Variants in DLGAP1 observed in about 807,000 individuals in gnomAD.
DLGAP1 encodes the protein disks large-associated protein 1.
A neutral mutation model predicts 90.8 loss-of-function variants in DLGAP1; 11 were observed. That is an observed-to-expected ratio of 0.12 (90% CI 0.08 to 0.20). DLGAP1 has a LOEUF of 0.20. DLGAP1 is among the 10% of genes least tolerant of loss of function. The pLI, the probability that DLGAP1 is intolerant of heterozygous loss-of-function variation, is 1.00. For synonymous variants in DLGAP1, 558 were observed against 540.7 expected (o/e 1.03, Z -0.44); for missense variants, 1,050 against 1,333.8 (o/e 0.79, Z 3.31).
At position 3,543,166 on chromosome 18, in the gene DLGAP1, A is replaced by ATTTTTTTTTTTTTT. The variant is rs76751283; in HGVS notation, c.2058-8565_2058-8552dup. ...ATACTCTTTTGTTCCCATGACTCCA[A>ATTTTTTTTTTTTTT]TTTTTTTTTTTTTTTTTTTTTTGAG... On this transcript the variant is annotated intron_variant, in intron 9 of 12. Coordinates refer to ENST00000315677, the MANE Select transcript of DLGAP1 (RefSeq NM_004746.4). Among the ~76,000 whole-genome samples, 110 of 64,130 alleles carry ATTTTTTTTTTTTTT rather than the reference A, an allele frequency of 1.7e-3. 4 individuals carry two copies. The highest frequency in any genetic ancestry group is 2.6e-3 in the South Asian group (4 of 1,548). The allele number at this position is 64,130 out of a possible 152,430, so 42.1% of individuals were successfully genotyped here. A position where few individuals can be genotyped will look rare whatever the true frequency, so the allele number is the denominator to read the frequency against.
chr18:3,535,494 T>C (rs915005969), intron 9 of DLGAP1, among the ~76,000 whole-genome samples: 1 of 136,812 alleles, frequency 7.3e-6, no homozygotes, highest in East Asian at 2.3e-4. Context: ...GATCACAAGG[T>C]CAGGGGATCG....
intron 1 of DLGAP1, among the ~76,000 whole-genome samples, chr18:4,279,391 T>C (rs1009121155): frequency 1.3e-5 from 2 of 152,218 alleles, no homozygotes; most frequent in Admixed American, 1.3e-4. Context: ...CACCAAGTAA[T>C]ATGTTTTTGC....
At chr18:3,682,274 A>T (rs941053723) in intron 7 of DLGAP1, among the ~76,000 whole-genome samples, 15 of 152,042 alleles carry the variant, frequency 9.9e-5, no homozygotes, top group African/African-American at 3.4e-4. Context: ...TTCCATCATG[A>T]TTGTAAGTTT....
At chr18:4,433,627 C>T (rs1378205384) in intron 1 of DLGAP1, among the ~76,000 whole-genome samples, 1 of 152,182 alleles carries the variant, frequency 6.6e-6, no homozygotes, top group African/African-American at 2.4e-5. Flanking sequence ...TAAGGAGAAC[C>T]TATCCTGAAA....
intron 3 of DLGAP1, among the ~76,000 whole-genome samples, chr18:4,004,468 C>T (rs984776370): frequency 6.6e-6 from 1 of 152,038 alleles, no homozygotes; most frequent in African/African-American, 2.4e-5. Context: ...ATCATTCAGC[C>T]GCTTTCCCCA....
At chr18:3,599,149 C>A (rs539130304) in intron 7 of DLGAP1, among the ~76,000 whole-genome samples, 3 of 152,322 alleles carry the variant, frequency 2.0e-5, no homozygotes, top group Non-Finnish European at 4.4e-5. Flanking sequence ...AGTCTAGGAA[C>A]CTAGGAACCT....
intron 5 of DLGAP1, among the ~76,000 whole-genome samples, chr18:3,755,928 T>C (rs1389164492): frequency 6.6e-6 from 1 of 152,188 alleles, no homozygotes; most frequent in Non-Finnish European, 1.5e-5. Context: ...AAAACAAGCC[T>C]GAATAAATTT....
intron 1 of DLGAP1, among the ~76,000 whole-genome samples, chr18:4,391,562 C>G (rs184256261): frequency 1.1e-3 from 170 of 152,284 alleles, no homozygotes; most frequent in Non-Finnish European, 2.2e-3. Context: ...TGGTGAAGAT[C>G]CCCTTAGCTT....
chr18:4,377,155 C>A (rs2082030615), intron 1 of DLGAP1, among the ~76,000 whole-genome samples: 1 of 152,070 alleles, frequency 6.6e-6, no homozygotes, highest in Non-Finnish European at 1.5e-5. Flanking sequence ...TACACGCTTG[C>A]ACACACACAG....
At chr18:4,078,531 A>G (rs2075557716) in intron 2 of DLGAP1, among the ~76,000 whole-genome samples, 1 of 152,212 alleles carries the variant, frequency 6.6e-6, no homozygotes, top group Non-Finnish European at 1.5e-5. Flanking sequence ...TCAATGTGAA[A>G]TTAGGCACTA....
At chr18:4,325,354 CAG>C (rs1395505702) in intron 1 of DLGAP1, among the ~76,000 whole-genome samples, 1 of 151,962 alleles carries the variant, frequency 6.6e-6, no homozygotes, top group East Asian at 1.9e-4. Flanking sequence ...TGAAAGAAAT[CAG>C]AGATGATACA....
In DLGAP1 at chr18:4,145,597, T is replaced by A. The variant is rs541660805; in HGVS notation, c.-159+5583A>T. 4.1e-4 allele frequency among the ~76,000 whole-genome samples: 62 copies of A among 152,274 alleles called. 1 individual carries two copies. The highest frequency in any genetic ancestry group is 1.5e-3 in the African/African-American group (61 of 41,572). On this transcript the variant is annotated intron_variant, in intron 2 of 12. Transcript: ENST00000315677. ...ACACATAAAACAGAACAGAAAAGTA[T>A]TCAATATCTGCATGAATCTCTTAGT...
rs192070272 is a variant in DLGAP1 at position 4,079,253 on chromosome 18, G to C, written c.-159+71927C>G. 1.9e-3 allele frequency among the ~76,000 whole-genome samples: 284 copies of C among 149,072 alleles called. 1 individual carries two copies. The highest frequency in any genetic ancestry group is 1.6e-3 in the Non-Finnish European group (110 of 67,574). On this transcript the variant is annotated intron_variant, in intron 2 of 12. Coordinates refer to ENST00000315677, the MANE Select transcript of DLGAP1 (RefSeq NM_004746.4). ...AATGTGAGCAATTCACCATTGCAAA[G>C]TGCCCATCAGCCAATGAGTAGATAA... is the stretch of plus-strand genomic sequence containing the variant.
At chr18:4,036,292 G>A (rs1343775655) in intron 2 of DLGAP1, among the ~76,000 whole-genome samples, 1 of 152,102 alleles carries the variant, frequency 6.6e-6, no homozygotes, top group East Asian at 1.9e-4. Flanking sequence ...ATCAGTCTAA[G>A]GTACAAGGCA....
At chr18:4,269,802 T>G (rs2079233053) in intron 1 of DLGAP1, among the ~76,000 whole-genome samples, 1 of 152,188 alleles carries the variant, frequency 6.6e-6, no homozygotes, top group Non-Finnish European at 1.5e-5. Flanking sequence ...TACCAATGCA[T>G]ACATTTATCT....
chr18:4,382,210 A>G (rs1046606973), intron 1 of DLGAP1, among the ~76,000 whole-genome samples: 1 of 152,164 alleles, frequency 6.6e-6, no homozygotes, highest in African/African-American at 2.4e-5. Context: ...GCTAAGAGTC[A>G]GACTCTGCAG....
intron 3 of DLGAP1, among the ~76,000 whole-genome samples, chr18:3,927,311 C>T (rs2072413873): frequency 1.3e-5 from 2 of 152,324 alleles, no homozygotes; most frequent in South Asian, 2.1e-4. Flanking sequence ...ATTGTCATCT[C>T]GCCTAAGTGC....
chr18:3,780,991 T>A (rs1381077620), intron 5 of DLGAP1, among the ~76,000 whole-genome samples: 2 of 152,088 alleles, frequency 1.3e-5, no homozygotes, highest in African/African-American at 2.4e-5. Flanking sequence ...AAAAAATTTT[T>A]AAAAACGTTT....
At chr18:4,332,157 G>A (rs1452583363) in intron 1 of DLGAP1, among the ~76,000 whole-genome samples, 4 of 152,076 alleles carry the variant, frequency 2.6e-5, no homozygotes, top group African/African-American at 9.7e-5. Flanking sequence ...GGAATGGGGA[G>A]TAGGAGTTAA....
Sources: allele counts gnomAD v4.1 joint callset (sites outside exome capture counted in the v4.1 genomes callset), GRCh38; gene constraint gnomAD v4.1.1; transcripts MANE v1.5; gene names NCBI Gene and HGNC (gene_info 2026-07-23, HGNC 2026-07-21).